LARGE1: variants seen among roughly 807,000 people sequenced by gnomAD.
LARGE1 encodes the protein LARGE xylosyl- and glucuronyltransferase 1, also known as xylosyl- and glucuronyltransferase LARGE1.
LARGE1 carries 43 observed loss-of-function variants against 87.6 expected under a neutral mutation model. The observed-to-expected ratio is 0.49, with a 90% CI of 0.38 to 0.63. The LOEUF is 0.63. LARGE1 is among the 30% of genes least tolerant of loss of function. LARGE1 has a pLI of 0.00. For missense variants in LARGE1, 802 were observed against 1,000.2 expected, an observed-to-expected ratio of 0.80 and a Z score of 2.67; for synonymous variants, 434 against 394.6, an observed-to-expected ratio of 1.10 and a Z score of -1.18.
chr22:33,660,089 T>C (rs2081078364), intron 2 of LARGE1, among the ~76,000 whole-genome samples: 1 of 108,818 alleles, frequency 9.2e-6, no homozygotes, highest in Non-Finnish European at 1.8e-5. Flanking sequence ...TGTGTGTGTG[T>C]GTTTTTTTTT....
At chr22:33,595,430 G>A (rs982325605) in intron 5 of LARGE1, among the ~76,000 whole-genome samples, 4 of 152,160 alleles carry the variant, frequency 2.6e-5, no homozygotes, top group Non-Finnish European at 4.4e-5. Context: ...TCTAGACCAA[G>A]TGCTGTGATT....
downstream of LARGE1, among the ~76,000 whole-genome samples, chr22:33,272,482 C>T (rs1353790686): frequency 1.3e-5 from 2 of 151,664 alleles, no homozygotes; most frequent in South Asian, 2.1e-4. Flanking sequence ...TGGCACACCA[C>T]TGAACAAATT....
At chr22:33,802,082 T>G (rs78012028) in intron 1 of LARGE1, among the ~76,000 whole-genome samples, 1 of 150,998 alleles carries the variant, frequency 6.6e-6, no homozygotes, top group Non-Finnish European at 1.5e-5. Flanking sequence ...AAGGAATGAT[T>G]TGGTTGAGAG....
At chr22:33,421,543 C>G (rs713837) in intron 7 of LARGE1, among the ~76,000 whole-genome samples, 60,304 of 152,010 alleles carry the variant, frequency 0.4, 12,532 homozygotes, top group Non-Finnish European at 0.44. Context: ...GCCAGACATA[C>G]TGCAGGCCCT....
chr22:33,657,469 C>T (rs960167145), intron 2 of LARGE1, among the ~76,000 whole-genome samples: 2 of 152,142 alleles, frequency 1.3e-5, no homozygotes, highest in African/African-American at 4.8e-5. Context: ...TGCTTTACTT[C>T]GCAGGCTATG....
intron 1 of LARGE1, among the ~76,000 whole-genome samples, chr22:33,846,920 C>T (rs1382835315): frequency 6.6e-6 from 1 of 152,186 alleles, no homozygotes; most frequent in Non-Finnish European, 1.5e-5. Flanking sequence ...TCACCCCTGT[C>T]CTGTGGTCTT....
intron 1 of LARGE1, among the ~76,000 whole-genome samples, chr22:33,877,436 C>T (rs561900126): frequency 9.2e-5 from 14 of 152,276 alleles, no homozygotes; most frequent in African/African-American, 3.4e-4. Context: ...GCTCTGAGGA[C>T]AGATTATCTG....
chr22:33,258,524 G>A (rs951205517), intron 11 of LARGE1, among the ~76,000 whole-genome samples: 1 of 152,128 alleles, frequency 6.6e-6, no homozygotes, highest in Admixed American at 6.5e-5. Context: ...ACATGAGGCT[G>A]GGACTTTCTG....
intron 3 of LARGE1, among the ~76,000 whole-genome samples, chr22:33,635,725 G>A (rs117886697): frequency 0.027 from 4,039 of 152,234 alleles, 81 homozygotes; most frequent in Non-Finnish European, 0.039. Flanking sequence ...CACAGTAATG[G>A]CCTCAATAAA....
chr22:33,356,837 G>T (rs1043507632), intron 9 of LARGE1, among the ~76,000 whole-genome samples: 4 of 152,110 alleles, frequency 2.6e-5, no homozygotes, highest in Non-Finnish European at 5.9e-5. Context: ...ACAGAACAGA[G>T]GAGTAGGAAG....
rs116964346 is a variant in LARGE1 at position 33,773,176 on chromosome 22, C to T, written c.-82-11618G>A. ...GCCTCCCTCCGGGTCTGGGGCCACG[C>T]GAGCATCTCTGTGGAATTTCCTCCC... On this transcript the variant is annotated intron_variant, in intron 1 of 14. Coordinates refer to ENST00000397394, the MANE Select transcript of LARGE1 (RefSeq NM_133642.5). 3.3e-5 allele frequency among the ~76,000 whole-genome samples: 5 copies of T among 152,316 alleles called. No homozygotes were observed. The East Asian group carries it at 7.7e-4, about 24-fold the overall frequency.
chr22:33,606,673 C>T (rs1201066481), intron 4 of LARGE1, among the ~76,000 whole-genome samples: 1 of 152,068 alleles, frequency 6.6e-6, no homozygotes, highest in Non-Finnish European at 1.5e-5. Flanking sequence ...TCAATAAATC[C>T]TCACTGAGTA....
At chr22:33,191,412 G>C (rs766790117) in intron 11 of LARGE1, among the ~76,000 whole-genome samples, 5 of 152,208 alleles carry the variant, frequency 3.3e-5, no homozygotes, top group Non-Finnish European at 7.3e-5. Context: ...GGTGCGCCCA[G>C]GAACTAACAT....
At chr22:33,282,382 C>T (rs887805713) in intron 13 of LARGE1, among the ~76,000 whole-genome samples, 1 of 149,872 alleles carries the variant, frequency 6.7e-6, no homozygotes, top group Admixed American at 6.6e-5. Context: ...CAAACAAACA[C>T]AAGCAAACAC....
rs555186450 is a variant in LARGE1, at chr22:33,473,168, C to G, written c.788-40903G>C. Among the ~76,000 whole-genome samples the G allele has an allele frequency of 4.5e-4, 65 of 145,278 alleles. 3 individuals are homozygous for G. In the South Asian group the frequency reaches 0.014, roughly 32 times the overall value. ...ACAACCTACACTTTTTCATATCTCT[C>G]TTTTTTTTTTTTTCTTTGAGATGGA... On this transcript the variant is annotated intron_variant, in intron 6 of 14. Transcript: ENST00000397394.
rs141821724 is a variant in LARGE1, at chr22:33,425,255, C to T, written c.892+6906G>A. Among the ~76,000 whole-genome samples the T allele has an allele frequency of 9.1e-4, 139 of 152,228 alleles. 1 individual carries two copies. Among genetic ancestry groups the T allele is most frequent in the African/African-American group, 3.3e-3 (137 of 41,544 alleles). On this transcript the variant is annotated intron_variant, in intron 7 of 14. Transcript: ENST00000397394. Reference sequence around the variant, plus strand: ...TCAGCCTGGGTGACAGAGCAAGACTCTGTCTCAAAAAAACAAAAACAAAAA... The same window carrying T: ...TCAGCCTGGGTGACAGAGCAAGACTTTGTCTCAAAAAAACAAAAACAAAAA...
At chr22:33,673,167 C>T (rs1365444993) in intron 2 of LARGE1, among the ~76,000 whole-genome samples, 1 of 152,146 alleles carries the variant, frequency 6.6e-6, no homozygotes. Flanking sequence ...CCCATCTACT[C>T]GGGAGTCTGA....
chr22:33,181,552 T>C (rs541516822), intron 11 of LARGE1, among the ~76,000 whole-genome samples: 1 of 142,336 alleles, frequency 7.0e-6, no homozygotes, highest in Admixed American at 7.1e-5. Flanking sequence ...TTTTTTGAAA[T>C]GTAGTCTCGC....
chr22:33,726,534 C>T (rs2083277554), intron 2 of LARGE1, among the ~76,000 whole-genome samples: 1 of 152,230 alleles, frequency 6.6e-6, no homozygotes, highest in Non-Finnish European at 1.5e-5. Flanking sequence ...TTCCCCTTTA[C>T]TCAGCAAAGG....
Sources: gnomAD v4.1 joint callset for allele counts (sites outside exome capture counted in the v4.1 genomes callset) on GRCh38, gnomAD v4.1.1 for gene constraint, MANE v1.5 for transcripts, NCBI Gene and HGNC (gene_info 2026-07-23, HGNC 2026-07-21) for gene names.